The following PABIR3 variants were observed in gnomAD, a reference collection of about 807,000 sequenced individuals.
PABIR3 encodes PABIR family member 1.
PABIR3 carries 20 observed loss-of-function variants against 23.1 expected under a neutral mutation model. The ratio of observed to expected loss-of-function variants is 0.86; its 90% CI spans 0.61 to 1.26. PABIR3 has a LOEUF of 1.26. Among genes scored for constraint, PABIR3 ranks in the 50% most tolerant of loss-of-function variants. The pLI, the probability that PABIR3 is intolerant of heterozygous loss-of-function variation, is 0.00. For missense variants in PABIR3, 189 were observed against 195.4 expected (o/e 0.97, Z 0.20); for synonymous variants, 69 against 68.5 (o/e 1.01, Z -0.04).
At chrX:134,816,599 G>A (rs1324539868) in intron 3 of PABIR3, among the ~76,000 whole-genome samples, 2 of 111,425 alleles carry the variant, frequency 1.8e-5, no homozygotes, top group African/African-American at 6.5e-5. Flanking sequence ...AGGGATTACA[G>A]GTGTGAGCCA....
At chrX:134,837,207 CT>C (rs1349174466) in intron 4 of PABIR3, among the ~76,000 whole-genome samples, 3 of 109,953 alleles carry the variant, frequency 2.7e-5, no homozygotes, top group Admixed American at 2.0e-4. Context: ...TTAGCCAGAC[CT>C]GGTGAGGCAT....
chrX:134,823,848 G>A (rs1420700636), intron 3 of PABIR3, among the ~76,000 whole-genome samples: 2 of 110,197 alleles, frequency 1.8e-5, no homozygotes, highest in Admixed American at 9.9e-5. Context: ...TTTTAAATTA[G>A]CAATATTTGG....
At chrX:134,848,360 A>G (rs770924512) in intron 8 of PABIR3, among the ~76,000 whole-genome samples, 2 of 109,676 alleles carry the variant, frequency 1.8e-5, no homozygotes, top group South Asian at 4.0e-4. Context: ...ATTGCCCTCC[A>G]GCCTGGGCAA....
intron 4 of PABIR3, among the ~76,000 whole-genome samples, chrX:134,831,195 T>C (rs1018131986): frequency 1.8e-5 from 2 of 110,214 alleles, no homozygotes; most frequent in African/African-American, 6.6e-5. Context: ...GCCTCCCAAG[T>C]AGCTGAGATC....
At chrX:134,828,035 CTCTCTCTCTCTCTA>C (rs1183570345) in intron 3 of PABIR3, among the ~76,000 whole-genome samples, 3 of 71,383 alleles carry the variant, frequency 4.2e-5, no homozygotes, top group African/African-American at 1.5e-4. Flanking sequence ...CTCTCTCTCT[CTCTCTCTCTCTCTA>C]TATATATATA....
At chrX:134,821,885 G>A in intron 3 of PABIR3, 1 of 763,411 alleles carries the variant, frequency 1.3e-6, no homozygotes, top group Non-Finnish European at 1.6e-6. Context: ...AGTTACTATA[G>A]TAGGAAATGG....
chrX:134,822,061 A>G, intron 3 of PABIR3: 1 of 753,738 alleles, frequency 1.3e-6, no homozygotes, highest in African/African-American at 2.3e-5. Flanking sequence ...TTCACCCAGC[A>G]CCCTCCCTAA....
intron 3 of PABIR3, among the ~76,000 whole-genome samples, chrX:134,823,756 T>C (rs2081390673): frequency 9.0e-6 from 1 of 111,115 alleles, no homozygotes; most frequent in Admixed American, 9.8e-5. Flanking sequence ...TCTCCAACAC[T>C]GTATAAATCA....
chrX:134,800,557 C>T (rs756755689), intron 1 of PABIR3, among the ~76,000 whole-genome samples: 4 of 111,583 alleles, frequency 3.6e-5, no homozygotes, highest in African/African-American at 9.8e-5. Context: ...TTTGGGAGGC[C>T]GAGGTGGGCG....
intron 3 of PABIR3, among the ~76,000 whole-genome samples, chrX:134,824,928 C>G (rs1334436506): frequency 8.9e-6 from 1 of 112,255 alleles, no homozygotes; most frequent in Admixed American, 9.5e-5. Flanking sequence ...ATACAAAACC[C>G]TTAGCATGTC....
At chrX:134,840,684 G>A (rs780032300) in intron 4 of PABIR3, among the ~76,000 whole-genome samples, 2 of 111,117 alleles carry the variant, frequency 1.8e-5, no homozygotes, top group African/African-American at 6.5e-5. Flanking sequence ...TGACAATGAC[G>A]TGATTCTGCC....
intron 2 of PABIR3, among the ~76,000 whole-genome samples, chrX:134,811,941 C>T (rs781376894): frequency 2.9e-4 from 33 of 112,398 alleles, no homozygotes; most frequent in Admixed American, 2.8e-3. Flanking sequence ...TCTGGCCCTT[C>T]GCAGAAAAAG....
intron 4 of PABIR3, among the ~76,000 whole-genome samples, chrX:134,830,198 T>G (rs2148259534): frequency 9.0e-6 from 1 of 110,924 alleles, no homozygotes; most frequent in East Asian, 2.8e-4. Context: ...AATACCATCT[T>G]GTAATCCTAG....
rs2082726137 is a variant in PABIR3 at position 134,854,138 on chromosome X, C to T, written c.734C>T (p.Ser245Phe). 8.3e-7 allele frequency: 1 copy of T among 1,211,280 alleles called. No homozygotes were observed. The highest frequency in any genetic ancestry group is 1.8e-5 in the South Asian group (1 of 56,931). The change falls in exon 11 of 11, where the codon TCT becomes TTT. Residue 245 changes from serine to phenylalanine, a missense_variant. By Grantham distance (155) the Ser-to-Phe change is radical. Coordinates refer to ENST00000645433, the MANE Select transcript of PABIR3 (RefSeq NM_001388447.1). Reference sequence around the variant, plus strand: ...GGAAACGACAGCAATGCTGGATCTTCTGGTAATTCGTCAGCTGAAATCGGC... The same window carrying T: ...GGAAACGACAGCAATGCTGGATCTTTTGGTAATTCGTCAGCTGAAATCGGC... ...FDGNDSNAGS[S>F]GNSSAEIGTV...
chrX:134,802,714 A>G (rs769200447), upstream of PABIR3, among the ~76,000 whole-genome samples: 35 of 112,820 alleles, frequency 3.1e-4, no homozygotes, highest in Non-Finnish European at 6.2e-4. Flanking sequence ...GAGATAGGAG[A>G]GGGCCTTCTT....
chrX:134,837,038 T>TA (rs772005579), intron 4 of PABIR3, among the ~76,000 whole-genome samples: 26 of 110,742 alleles, frequency 2.3e-4, no homozygotes, highest in African/African-American at 8.5e-4. Flanking sequence ...ACTCCGTCTT[T>TA]AAAAAAATTT....
At chrX:134,800,983 C>G (rs1211215698) in intron 1 of PABIR3, among the ~76,000 whole-genome samples, 1 of 111,965 alleles carries the variant, frequency 8.9e-6, no homozygotes, top group Admixed American at 9.4e-5. Context: ...AAAAGTACCA[C>G]AAGTATTAAA....
At chrX:134,822,160 T>A in intron 3 of PABIR3, 1 of 754,320 alleles carries the variant, frequency 1.3e-6, no homozygotes, top group Non-Finnish European at 1.6e-6. Flanking sequence ...GGACTTTTCT[T>A]TCTTCCTGGA....
At chrX:134,846,892 A>G (rs1450355575) in intron 6 of PABIR3, among the ~76,000 whole-genome samples, 1 of 112,150 alleles carries the variant, frequency 8.9e-6, no homozygotes, top group East Asian at 2.8e-4. Context: ...TTTAGAAAGA[A>G]AAGGGCAGAT....
Sources: allele counts gnomAD v4.1 joint callset (sites outside exome capture counted in the v4.1 genomes callset), GRCh38; gene constraint gnomAD v4.1.1; transcripts MANE v1.5; gene names NCBI Gene and HGNC (gene_info 2026-07-23, HGNC 2026-07-21).